The following NOX4 variants were observed in gnomAD, a reference collection of about 807,000 sequenced individuals.
The protein encoded by NOX4 is kidney oxidase-1.
A neutral mutation model predicts 87.6 loss-of-function variants in NOX4; 69 were observed. That is an observed-to-expected ratio of 0.79 (90% CI 0.65 to 0.96). The LOEUF is 0.96. Among genes scored for constraint, NOX4 ranks in the 40% least tolerant of loss-of-function variants. The probability of loss-of-function intolerance (pLI) is 0.00; values close to 1 mark genes in which losing one functional copy is unlikely to be tolerated. For synonymous variants in NOX4, 275 were observed against 238.2 expected (o/e 1.15, Z -1.42); for missense variants, 680 against 681.5 (o/e 1.00, Z 0.02).
At chr11:89,478,501 T>C (rs993695110) in intron 2 of NOX4, among the ~76,000 whole-genome samples, 6 of 152,218 alleles carry the variant, frequency 3.9e-5, no homozygotes, top group Non-Finnish European at 8.8e-5. Flanking sequence ...TCACAAATAT[T>C]ACCATAGTTG....
chr11:89,519,498 G>T, the NOX4 span, among the ~76,000 whole-genome samples: 2 of 152,006 alleles, frequency 1.3e-5, no homozygotes, highest in African/African-American at 4.8e-5. Flanking sequence ...AAATTATTTT[G>T]TAAGATCTAT....
chr11:89,426,614 C>G (rs1020525844), intron 7 of NOX4, among the ~76,000 whole-genome samples: 2 of 152,168 alleles, frequency 1.3e-5, no homozygotes, highest in African/African-American at 2.4e-5. Context: ...CCCTCAGAAC[C>G]TCACTCGTTG....
chr11:89,462,189 CAT>C (rs2135418872), intron 2 of NOX4, among the ~76,000 whole-genome samples: 1 of 152,048 alleles, frequency 6.6e-6, no homozygotes, highest in Admixed American at 6.5e-5. Context: ...CCACAAGACA[CAT>C]GTAAAAACAA....
chr11:89,415,451 G>A (rs1942711876), intron 8 of NOX4, among the ~76,000 whole-genome samples: 1 of 152,038 alleles, frequency 6.6e-6, no homozygotes, highest in Non-Finnish European at 1.5e-5. Flanking sequence ...AGATATTACA[G>A]CTCTTTGGTT....
chr11:89,341,365 C>T (rs1279121216), intron 14 of NOX4, among the ~76,000 whole-genome samples: 3 of 152,096 alleles, frequency 2.0e-5, no homozygotes, highest in Admixed American at 1.3e-4. Flanking sequence ...TCAAGCGATC[C>T]ACCCACCTCG....
intron 11 of NOX4, among the ~76,000 whole-genome samples, chr11:89,385,211 C>T (rs941776284): frequency 3.3e-5 from 5 of 152,166 alleles, no homozygotes; most frequent in Non-Finnish European, 7.3e-5. Context: ...AGTTTCCTCA[C>T]TATGCAAGGT....
chr11:89,475,878 C>T (rs543542294), intron 2 of NOX4, among the ~76,000 whole-genome samples: 3 of 152,010 alleles, frequency 2.0e-5, no homozygotes, highest in East Asian at 1.9e-4. Flanking sequence ...ACCTCTGGTT[C>T]GCTGGTGATA....
At chr11:89,569,988 C>T in the NOX4 span, among the ~76,000 whole-genome samples, 5 of 139,362 alleles carry the variant, frequency 3.6e-5, no homozygotes, top group African/African-American at 1.1e-4. Flanking sequence ...GGCGACAGAG[C>T]GAGACTCTGT....
chr11:89,550,504 C>A, the NOX4 span, among the ~76,000 whole-genome samples: 57,972 of 151,840 alleles, frequency 0.38, 11,333 homozygotes, highest in African/African-American at 0.46. Context: ...GGCATGAGAT[C>A]CTATCTCATT....
chr11:89,332,729 A>C (rs1945528334), intron 17 of NOX4, among the ~76,000 whole-genome samples: 1 of 151,844 alleles, frequency 6.6e-6, no homozygotes, highest in Non-Finnish European at 1.5e-5. Flanking sequence ...AGCACAATGA[A>C]CTTGCAGTCA....
chr11:89,566,722 T>G, the NOX4 span, among the ~76,000 whole-genome samples: 16 of 150,712 alleles, frequency 1.1e-4, no homozygotes, highest in Admixed American at 1.1e-3. Context: ...TCATTAAGAG[T>G]GGAAAAAGGG....
chr11:89,460,063 G>A (rs1351997376), intron 2 of NOX4, among the ~76,000 whole-genome samples: 1 of 152,134 alleles, frequency 6.6e-6, no homozygotes, highest in Admixed American at 6.5e-5. Flanking sequence ...AATGGGGAAA[G>A]GATTGCCTAT....
At chr11:89,426,994 C>T (rs1375484420) in intron 7 of NOX4, among the ~76,000 whole-genome samples, 2 of 152,162 alleles carry the variant, frequency 1.3e-5, no homozygotes, top group East Asian at 3.9e-4. Context: ...ACTGACACCC[C>T]ACAGGGCCGA....
chr11:89,503,251 A>G, the NOX4 span, among the ~76,000 whole-genome samples: 1 of 151,962 alleles, frequency 6.6e-6, no homozygotes, highest in African/African-American at 2.4e-5. Context: ...TCATGAGGTC[A>G]CAGAGAGATA....
At chr11:89,430,924 T>C (rs1290331258) in intron 7 of NOX4, among the ~76,000 whole-genome samples, 1 of 152,160 alleles carries the variant, frequency 6.6e-6, no homozygotes, top group Non-Finnish European at 1.5e-5. Flanking sequence ...AGAACAAAGC[T>C]GGAGGCATCA....
At chr11:89,420,637 T>G (rs926489412) in intron 8 of NOX4, among the ~76,000 whole-genome samples, 13 of 152,148 alleles carry the variant, frequency 8.5e-5, no homozygotes, top group Non-Finnish European at 2.9e-5. Flanking sequence ...AGTTTGAATA[T>G]GTACCCTGAA....
At chr11:89,535,561 CCTTT>C in the NOX4 span, among the ~76,000 whole-genome samples, 1 of 152,136 alleles carries the variant, frequency 6.6e-6, no homozygotes, top group Admixed American at 6.6e-5. Context: ...AGCCTCTCCT[CCTTT>C]CTGCTTTTTG....
chr11:89,489,915 G>A (rs1466538395), intron 2 of NOX4, among the ~76,000 whole-genome samples: 1 of 152,018 alleles, frequency 6.6e-6, no homozygotes, highest in Admixed American at 6.6e-5. Context: ...TCAGAAAAAA[G>A]TTTTGCCCAG....
the NOX4 span, among the ~76,000 whole-genome samples, chr11:89,588,081 G>A: frequency 6.6e-6 from 1 of 152,046 alleles, no homozygotes; most frequent in Admixed American, 6.6e-5. Flanking sequence ...TCTCAGTAGT[G>A]AATAAATACT....
Sources: allele counts gnomAD v4.1 joint callset (sites outside exome capture counted in the v4.1 genomes callset), GRCh38; gene constraint gnomAD v4.1.1; transcripts MANE v1.5; gene names NCBI Gene and HGNC (gene_info 2026-07-23, HGNC 2026-07-21).